Variants in MACROD2 observed in about 807,000 individuals in gnomAD.
The protein encoded by MACROD2 is ADP-ribose glycohydrolase MACROD2.
MACROD2 carries 36 observed loss-of-function variants against 70.4 expected under a neutral mutation model. The ratio of observed to expected loss-of-function variants is 0.51; its 90% CI spans 0.39 to 0.68. MACROD2 has a LOEUF of 0.68. MACROD2 is among the 30% of genes least tolerant of loss of function. The pLI is 0.00. For missense variants in MACROD2, 496 were observed against 538.4 expected (o/e 0.92, Z 0.78); for synonymous variants, 172 against 178.8 (o/e 0.96, Z 0.30).
chr20:15,311,878 C>T lies in MACROD2; in HGVS notation c.540+81817C>T, dbSNP rs990169991. Among the ~76,000 whole-genome samples the T allele has an allele frequency of 6.6e-5, 10 of 152,102 alleles. No individual in the cohort carries two copies. In the East Asian group the frequency reaches 1.4e-3, roughly 21 times the overall value. On this transcript the variant is annotated intron_variant, in intron 6 of 17. Transcript: ENST00000684519. ...GGATCATTTGTTTCTCAAACCTCAGCGTCATGCAATATACTCAGGCAGCAA... is the reference window on the plus strand; with the variant it reads ...GGATCATTTGTTTCTCAAACCTCAGTGTCATGCAATATACTCAGGCAGCAA...
At chr20:14,199,374 A>C (rs1274631295) in intron 3 of MACROD2, among the ~76,000 whole-genome samples, 1 of 152,242 alleles carries the variant, frequency 6.6e-6, no homozygotes, top group Non-Finnish European at 1.5e-5. Flanking sequence ...AAAATGTTTC[A>C]GGAAGAAAAT....
In MACROD2 at chr20:15,408,531, A is replaced by G. The variant is rs188318634; in HGVS notation, c.541-22874A>G. 4.6e-5 allele frequency among the ~76,000 whole-genome samples: 7 copies of G among 152,340 alleles called. 1 individual carries two copies. The East Asian group carries it at 1.2e-3, about 25-fold the overall frequency. ...TCTTCCTTTTGATCTTAAATGAGGA[A>G]GGGGCAAAGTGTGTGAAGATTCCAG... On this transcript the variant is annotated intron_variant, in intron 6 of 17. Coordinates refer to ENST00000684519, the MANE Select transcript of MACROD2 (RefSeq NM_001351661.2).
chr20:15,608,690 A>AATTG (rs1475906094), intron 8 of MACROD2, among the ~76,000 whole-genome samples: 1 of 152,152 alleles, frequency 6.6e-6, no homozygotes, highest in Non-Finnish European at 1.5e-5. Flanking sequence ...CCTTTTGCAT[A>AATTG]ATTGATCCTA....
chr20:14,554,011 T>C (rs548022250), intron 4 of MACROD2, among the ~76,000 whole-genome samples: 15 of 152,270 alleles, frequency 9.9e-5, no homozygotes, highest in Non-Finnish European at 1.9e-4. Flanking sequence ...GAATGGGCCA[T>C]TTCCCAGGTC....
chr20:15,060,759 A>G lies in MACROD2; in HGVS notation c.419-169181A>G, dbSNP rs533708380. On this transcript the variant is annotated intron_variant, in intron 5 of 17. Coordinates refer to ENST00000684519, the MANE Select transcript of MACROD2 (RefSeq NM_001351661.2). Reference sequence around the variant, plus strand: ...CTGCCATCAAAGTGTCTAGCTCTGCATTATGCAATAGACTGTGCCCTTGCT... The same window carrying G: ...CTGCCATCAAAGTGTCTAGCTCTGCGTTATGCAATAGACTGTGCCCTTGCT... Among the ~76,000 whole-genome samples the G allele has an allele frequency of 2.0e-5, 3 of 152,360 alleles. No individual in the cohort carries two copies. The South Asian group carries it at 6.2e-4, about 32-fold the overall frequency.
intron 3 of MACROD2, among the ~76,000 whole-genome samples, chr20:14,264,938 C>T (rs2082131801): frequency 6.6e-6 from 1 of 152,134 alleles, no homozygotes; most frequent in Non-Finnish European, 1.5e-5. Flanking sequence ...AACCAGAATG[C>T]AAAAGACTGG....
At chr20:14,790,744 C>T (rs1262986655) in intron 5 of MACROD2, among the ~76,000 whole-genome samples, 1 of 152,040 alleles carries the variant, frequency 6.6e-6, no homozygotes, top group Non-Finnish European at 1.5e-5. Context: ...TGGACTTTTG[C>T]AGAGATAGTT....
chr20:14,000,707 G>C (rs1046778099), intron 1 of MACROD2, among the ~76,000 whole-genome samples: 20 of 152,122 alleles, frequency 1.3e-4, no homozygotes, highest in African/African-American at 4.8e-4. Flanking sequence ...TCCTTGTTTA[G>C]GTGAAAAACG....
chr20:14,070,585 A>G (rs140978467), intron 2 of MACROD2, among the ~76,000 whole-genome samples: 2 of 152,290 alleles, frequency 1.3e-5, no homozygotes, highest in African/African-American at 2.4e-5. Context: ...ATGGTATACT[A>G]CTAATTATTT....
intron 3 of MACROD2, among the ~76,000 whole-genome samples, chr20:14,203,904 G>A (rs550385524): frequency 1.2e-4 from 18 of 152,230 alleles, no homozygotes; most frequent in South Asian, 6.2e-4. Flanking sequence ...TGGGCTAGGC[G>A]GGCAGGTCCT....
chr20:15,841,759 G>A (rs1221064028), intron 8 of MACROD2, among the ~76,000 whole-genome samples: 1 of 152,084 alleles, frequency 6.6e-6, no homozygotes, highest in Non-Finnish European at 1.5e-5. Context: ...GAATGATGGT[G>A]GGAGGTCTAG....
chr20:15,255,571 T>C (rs1476688526), intron 6 of MACROD2, among the ~76,000 whole-genome samples: 1 of 152,038 alleles, frequency 6.6e-6, no homozygotes, highest in Non-Finnish European at 1.5e-5. Context: ...TTGTCTGGGA[T>C]TGGGTAGAGT....
At chr20:15,198,364 G>A (rs1186084696) in intron 5 of MACROD2, among the ~76,000 whole-genome samples, 1 of 152,084 alleles carries the variant, frequency 6.6e-6, no homozygotes, top group East Asian at 1.9e-4. Context: ...CTAATTATAA[G>A]CATTGCCAAC....
chr20:14,811,555 G>T (rs1035895642), intron 5 of MACROD2, among the ~76,000 whole-genome samples: 2 of 152,062 alleles, frequency 1.3e-5, no homozygotes, highest in Non-Finnish European at 1.5e-5. Context: ...AAAAGCAATG[G>T]CAACAAAAGC....
intron 3 of MACROD2, among the ~76,000 whole-genome samples, chr20:14,272,037 T>G (rs6042636): frequency 6.6e-6 from 1 of 151,832 alleles, no homozygotes. Flanking sequence ...CTGAAAGTGA[T>G]GGGGAGAATG....
intron 3 of MACROD2, among the ~76,000 whole-genome samples, chr20:14,103,736 T>A (rs1393646090): frequency 1.3e-5 from 2 of 152,198 alleles, no homozygotes; most frequent in South Asian, 2.1e-4. Flanking sequence ...ACTTTTTTGT[T>A]TATAAATACA....
At chr20:14,140,090 G>A (rs2054850095) in intron 3 of MACROD2, among the ~76,000 whole-genome samples, 3 of 152,106 alleles carry the variant, frequency 2.0e-5, no homozygotes, top group Non-Finnish European at 4.4e-5. Context: ...AAGCATTTTG[G>A]ATAAGGGATA....
intron 8 of MACROD2, among the ~76,000 whole-genome samples, chr20:15,795,760 T>C (rs1425331630): frequency 1.3e-5 from 2 of 152,188 alleles, no homozygotes; most frequent in African/African-American, 2.4e-5. Flanking sequence ...AAACTGAGTA[T>C]AGATAAAAGG....
intron 5 of MACROD2, among the ~76,000 whole-genome samples, chr20:14,928,056 A>G (rs1482486692): frequency 6.6e-6 from 1 of 152,220 alleles, no homozygotes; most frequent in Non-Finnish European, 1.5e-5. Flanking sequence ...TGGCGTGCAA[A>G]AGAAAAACTG....
Sources: allele counts gnomAD v4.1 joint callset (sites outside exome capture counted in the v4.1 genomes callset), GRCh38; gene constraint gnomAD v4.1.1; transcripts MANE v1.5; gene names NCBI Gene and HGNC (gene_info 2026-07-23, HGNC 2026-07-21).